Variants in PUM1 observed in about 807,000 individuals in gnomAD.
PUM1 encodes the protein pumilio RNA binding family member 1.
A neutral mutation model predicts 131.8 loss-of-function variants in PUM1; 13 were observed. That is an observed-to-expected ratio of 0.10 (90% CI 0.06 to 0.16). The LOEUF is 0.16. Among genes scored for constraint, PUM1 ranks in the 10% least tolerant of loss-of-function variants. PUM1 has a pLI of 1.00. For synonymous variants in PUM1, 509 were observed against 556.5 expected, an observed-to-expected ratio of 0.91 and a Z score of 1.20; for missense variants, 961 against 1,512.4, an observed-to-expected ratio of 0.64 and a Z score of 6.05.
intron 7 of PUM1, among the ~76,000 whole-genome samples, chr1:30,985,544 C>A (rs754211771): frequency 6.7e-6 from 1 of 148,732 alleles, no homozygotes; most frequent in Non-Finnish European, 1.5e-5. Flanking sequence ...CCCAGTTACT[C>A]GGGAGGCTGA....
Position 30,974,634 on chromosome 1 carries a change from A to C in PUM1, c.1506+17T>G. ...TACGATTCCCACTTAGAAGAGGTAA[A>C]TTTTGTCTACATTTACCTGCTGCTG... On this transcript the variant is annotated intron_variant, in intron 10 of 21. Coordinates refer to ENST00000426105, the MANE Select transcript of PUM1 (RefSeq NM_001020658.2). 1 of 1,587,430 alleles carries C rather than the reference A, an allele frequency of 6.3e-7. No homozygotes were observed. Among genetic ancestry groups the C allele is most frequent in the Non-Finnish European group, 8.6e-7 (1 of 1,167,144 alleles).
intron 11 of PUM1, 23 bp downstream of exon 11, chr1:30,968,331 T>C: frequency 5.7e-6 from 9 of 1,587,528 alleles, no homozygotes; most frequent in Non-Finnish European, 6.0e-6. Flanking sequence ...GCCAAAGTAT[T>C]AGGAATAACA....
chr1:30,936,902 C>G, intron 20 of PUM1, 67 bp from the exon 21 acceptor site: 4 of 1,398,708 alleles, frequency 2.9e-6, no homozygotes, highest in Non-Finnish European at 3.9e-6. Context: ...CTGTGCTTGC[C>G]TAGCTTCTGC....
At position 30,942,191 on chromosome 1, in the gene PUM1, T is replaced by TTATATATATA. The variant is rs58848270; in HGVS notation, c.2995-78_2995-69dup. On this transcript the variant is annotated intron_variant, in intron 18 of 21. Coordinates refer to ENST00000426105, the MANE Select transcript of PUM1 (RefSeq NM_001020658.2). ...ACCACCTTCAATGCTTCAGTATTGT[T>TTATATATATA]TATATATATATATATATATATATAT... 3.9e-3 allele frequency: 567 copies of TTATATATATA among 144,944 alleles called. 24 individuals carry two copies. Among genetic ancestry groups the TTATATATATA allele is most frequent in the African/African-American group, 9.9e-3 (164 of 16,534 alleles). The allele number at this position is 144,944 out of a possible 1,614,324, so 9.0% of individuals were successfully genotyped here. A position where few individuals can be genotyped will look rare whatever the true frequency, so the allele number is the denominator to read the frequency against.
At chr1:30,935,645 G>A (rs745796873) in intron 21 of PUM1, 20 of 443,378 alleles carry the variant, frequency 4.5e-5, no homozygotes, top group Admixed American at 3.6e-4. Context: ...CAGTGCAGTG[G>A]TTTGGATTGG....
Position 30,954,020 on chromosome 1 carries a change from C to T in PUM1, c.2324-39G>A, listed in dbSNP as rs763078424. 10 of 1,584,032 alleles carry T rather than the reference C, an allele frequency of 6.3e-6. No homozygotes were observed. In the South Asian group the frequency reaches 1.0e-4, roughly 16 times the overall value. On this transcript the variant is annotated intron_variant, in intron 14 of 21. Transcript: ENST00000426105. ...AACAGGATAACTTAAGACCACTCTT[C>T]AGCAACTTCATTCAAGAGAGAAAAA... is the stretch of plus-strand genomic sequence containing the variant.
chr1:30,981,209 T>C (rs922696823), intron 8 of PUM1, 103 bp downstream of exon 8: 3 of 665,438 alleles, frequency 4.5e-6, no homozygotes, highest in South Asian at 5.7e-5. Flanking sequence ...GGGATTTGTC[T>C]GAACTTTTAT....
rs1391405560 is a variant in PUM1 at position 30,936,625 on chromosome 1, C to G, written c.3435+18G>C. ...GGCCTTGCACACTTTCTCTGAGACCCTGCCCAGCCCGGCCTACCTTATGCA... is the reference window on the plus strand; with the variant it reads ...GGCCTTGCACACTTTCTCTGAGACCGTGCCCAGCCCGGCCTACCTTATGCA... On this transcript the variant is annotated intron_variant, in intron 21 of 21. Coordinates refer to ENST00000426105, the MANE Select transcript of PUM1 (RefSeq NM_001020658.2). 3.7e-6 allele frequency: 6 copies of G among 1,602,076 alleles called. No homozygotes were observed. Among genetic ancestry groups the G allele is most frequent in the Non-Finnish European group, 5.1e-6 (6 of 1,172,810 alleles).
chr1:30,968,111 A>T, intron 11 of PUM1: 1 of 673,868 alleles, frequency 1.5e-6, no homozygotes, highest in Non-Finnish European at 2.8e-6. Flanking sequence ...ACCAAGGAAA[A>T]ACCACATATT....
At chr1:31,025,141 A>T (rs995123733) in intron 3 of PUM1, among the ~76,000 whole-genome samples, 1 of 152,218 alleles carries the variant, frequency 6.6e-6, no homozygotes. Flanking sequence ...AAGCACTTGT[A>T]CTATGAGTCC....
Position 30,941,708 on chromosome 1 carries a change from C to T in PUM1, c.3120+290G>A, listed in dbSNP as rs117723834. Among the ~76,000 whole-genome samples the T allele has an allele frequency of 5.3e-3, 805 of 152,142 alleles. 5 individuals carry two copies. The highest frequency in any genetic ancestry group is 0.032 in the East Asian group (168 of 5,182). On this transcript the variant is annotated intron_variant, in intron 19 of 21. Coordinates refer to ENST00000426105, the MANE Select transcript of PUM1 (RefSeq NM_001020658.2). ...CAACAAATCAACTTATTTCATTTAA[C>T]GATTATGAAACAGAGACCCAGAGGG...
At chr1:30,979,556 A>G (rs1323266811) in intron 9 of PUM1, among the ~76,000 whole-genome samples, 1 of 152,024 alleles carries the variant, frequency 6.6e-6, no homozygotes, top group African/African-American at 2.4e-5. Flanking sequence ...ATGATCAGCC[A>G]TGTTTGGTAA....
intron 8 of PUM1, among the ~76,000 whole-genome samples, 169 bp from the exon 9 acceptor site, chr1:30,980,332 T>A (rs527822039): frequency 6.6e-6 from 1 of 152,296 alleles, no homozygotes; most frequent in Non-Finnish European, 1.5e-5. Flanking sequence ...ATAACTGCTA[T>A]ACTAAAGATT....
intron 9 of PUM1, among the ~76,000 whole-genome samples, chr1:30,977,991 TC>T: frequency 6.6e-6 from 1 of 152,310 alleles, no homozygotes; most frequent in East Asian, 1.9e-4. Flanking sequence ...ACAACTGTAA[TC>T]CCAGCACTCT....
In PUM1 at chr1:31,065,595, C is replaced by T. The variant is rs1012238529; in HGVS notation, c.-12+21G>A. 13 of 1,543,170 alleles carry T rather than the reference C, an allele frequency of 8.4e-6. No individual in the cohort carries two copies. In the African/African-American group the frequency reaches 1.8e-4, roughly 21 times the overall value. ...AGGGGTCCGGAGCAGCGTTTGGGGC[C>T]GGTGGGGTGCGGATACTCACGGGCG... On this transcript the variant is annotated intron_variant, in intron 1 of 21. Transcript: ENST00000426105.
At chr1:30,958,470 T>C (rs916263818) in intron 14 of PUM1, among the ~76,000 whole-genome samples, 7 of 152,190 alleles carry the variant, frequency 4.6e-5, no homozygotes, top group Admixed American at 2.0e-4. Flanking sequence ...CTGTACCTGC[T>C]ACCTCTTGAT....
At chr1:31,037,396 T>C (rs976278232) in intron 2 of PUM1, among the ~76,000 whole-genome samples, 5 of 152,176 alleles carry the variant, frequency 3.3e-5, no homozygotes, top group Admixed American at 6.5e-5. Context: ...AGTCTGGGTA[T>C]CTACCTCCCC....
intron 10 of PUM1, 149 bp from the exon 11 acceptor site, chr1:30,968,641 T>A (rs1640728597): frequency 1.4e-6 from 1 of 729,648 alleles, no homozygotes; most frequent in African/African-American, 1.8e-5. Flanking sequence ...GCGTATAAAT[T>A]CAATTAATAA....
intron 9 of PUM1, among the ~76,000 whole-genome samples, chr1:30,977,293 T>C (rs969496869): frequency 6.6e-6 from 1 of 152,178 alleles, no homozygotes; most frequent in Non-Finnish European, 1.5e-5. Flanking sequence ...AAAAAGATTT[T>C]GAATTTTCAG....
Sources: allele counts gnomAD v4.1 joint callset (sites outside exome capture counted in the v4.1 genomes callset), GRCh38; gene constraint gnomAD v4.1.1; transcripts MANE v1.5; gene names NCBI Gene and HGNC (gene_info 2026-07-23, HGNC 2026-07-21).